Variants in MINDY4 observed in about 807,000 individuals in gnomAD.
MINDY4 encodes the protein MINDY lysine 48 deubiquitinase 4.
Under a neutral mutation model 87.0 loss-of-function variants are expected in MINDY4, and 68 were observed. The ratio of observed to expected loss-of-function variants is 0.78; its 90% CI spans 0.64 to 0.96. The LOEUF is 0.96. Among genes scored for constraint, MINDY4 ranks in the 40% least tolerant of loss-of-function variants. MINDY4 has a pLI of 0.00. For synonymous variants in MINDY4, 379 were observed against 363.2 expected (o/e 1.04, Z -0.50); for missense variants, 919 against 928.2 (o/e 0.99, Z 0.13).
intron 3 of MINDY4, 44 bp downstream of exon 3, chr7:30,782,256 C>A: frequency 6.8e-7 from 1 of 1,469,120 alleles, no homozygotes; most frequent in South Asian, 1.2e-5. Context: ...CTATTGCTGC[C>A]ATAACAAATT....
intron 9 of MINDY4, among the ~76,000 whole-genome samples, chr7:30,849,366 A>T (rs1245707284): frequency 6.6e-6 from 1 of 152,196 alleles, no homozygotes; most frequent in Non-Finnish European, 1.5e-5. Flanking sequence ...TAGCTTCCGT[A>T]TGAGTTTTTT....
At position 30,798,170 on chromosome 7, in the gene MINDY4, A is replaced by G. The variant is rs1002107403; in HGVS notation, c.1073+6596A>G. ...ACAGCATGTTGCCGTATTGAATGCTATAGGCCATTGTAACACAATGGGAAG... is the reference window on the plus strand; with the variant it reads ...ACAGCATGTTGCCGTATTGAATGCTGTAGGCCATTGTAACACAATGGGAAG... On this transcript the variant is annotated intron_variant, in intron 5 of 17. Transcript: ENST00000265299. Among the ~76,000 whole-genome samples the G allele has an allele frequency of 3.3e-5, 5 of 152,196 alleles. No individual in the cohort carries two copies. The East Asian group carries it at 7.7e-4, about 23-fold the overall frequency.
In MINDY4 at chr7:30,781,966, C is replaced by T. The variant is rs1389613103; in HGVS notation, c.184-11C>T. 6 of 1,587,710 alleles carry T rather than the reference C, an allele frequency of 3.8e-6. No homozygotes were observed. In the Admixed American group the frequency reaches 5.2e-5, roughly 14 times the overall value. On this transcript the variant is annotated splice_polypyrimidine_tract_variant and intron_variant, in intron 2 of 17. Coordinates refer to ENST00000265299, the MANE Select transcript of MINDY4 (RefSeq NM_032222.3). ...ATAAATTAATGATTTTTTTTTCTCT[C>T]CCAATGATAGGCAAAGGAAAATCCT...
intron 5 of MINDY4, among the ~76,000 whole-genome samples, chr7:30,806,808 C>G (rs1787822023): frequency 6.6e-6 from 1 of 152,240 alleles, no homozygotes; most frequent in Non-Finnish European, 1.5e-5. Context: ...TCTTCCTACC[C>G]TCTTCTCTTC....
intron 17 of MINDY4, among the ~76,000 whole-genome samples, chr7:30,885,721 C>G (rs1235211041): frequency 1.3e-5 from 2 of 150,654 alleles, no homozygotes; most frequent in Admixed American, 6.6e-5. Context: ...CCCCCCAACC[C>G]TGCTGCCTTG....
chr7:30,776,229 T>A (rs1191965563), intron 1 of MINDY4, among the ~76,000 whole-genome samples: 2 of 152,180 alleles, frequency 1.3e-5, no homozygotes, highest in African/African-American at 4.8e-5. Flanking sequence ...ACAAGACCTT[T>A]CCTTATGAGT....
At chr7:30,879,089 GA>G (rs1790377740) in intron 15 of MINDY4, among the ~76,000 whole-genome samples, 1 of 152,168 alleles carries the variant, frequency 6.6e-6, no homozygotes, top group Non-Finnish European at 1.5e-5. Context: ...AGTCCTCTGA[GA>G]CTGTTGTGAG....
intron 5 of MINDY4, among the ~76,000 whole-genome samples, chr7:30,795,458 G>A (rs1245755390): frequency 2.0e-5 from 3 of 152,226 alleles, no homozygotes; most frequent in Non-Finnish European, 2.9e-5. Flanking sequence ...GGATCCAGGG[G>A]TACCAAGATA....
At chr7:30,797,556 A>G (rs1787526038) in intron 5 of MINDY4, among the ~76,000 whole-genome samples, 2 of 152,132 alleles carry the variant, frequency 1.3e-5, no homozygotes, top group Admixed American at 6.5e-5. Flanking sequence ...TTGAGGCTGG[A>G]CTACATGAGG....
chr7:30,849,688 G>A (rs963145422), intron 9 of MINDY4, among the ~76,000 whole-genome samples: 14 of 152,192 alleles, frequency 9.2e-5, no homozygotes, highest in African/African-American at 3.4e-4. Context: ...CACGGTCTCT[G>A]TTTTTCCTCA....
At chr7:30,792,076 A>G (rs12701035) in intron 5 of MINDY4, among the ~76,000 whole-genome samples, 40,148 of 152,032 alleles carry the variant, frequency 0.26, 5,822 homozygotes, top group Non-Finnish European at 0.32. Context: ...GAAGCCAGAG[A>G]TACAGTGATG....
Position 30,782,128 on chromosome 7 carries a change from C to T in MINDY4, c.335C>T (p.Ser112Leu), listed in dbSNP as rs1787024018. The T allele has an allele frequency of 2.5e-6, 4 of 1,614,096 alleles. No individual in the cohort carries two copies. Among genetic ancestry groups the T allele is most frequent in the Non-Finnish European group, 2.5e-6 (3 of 1,180,018 alleles). ...KKNNKVPSRC[S>L]ETTLVNIYDL... ...AATAACAAAGTGCCATCAAGATGCT[C>T]AGAGACTACACTGGTAAATATATAT... is the stretch of plus-strand genomic sequence containing the variant. The change falls in exon 3 of 18, where the codon TCA becomes TTA. Residue 112 changes from serine to leucine, a missense_variant. Coordinates refer to ENST00000265299, the MANE Select transcript of MINDY4 (RefSeq NM_032222.3).
Position 30,828,628 on chromosome 7 carries a change from TA to T in MINDY4, c.1074-50del, listed in dbSNP as rs768611699. On this transcript the variant is annotated intron_variant, in intron 5 of 17. Coordinates refer to ENST00000265299, the MANE Select transcript of MINDY4 (RefSeq NM_032222.3). ...GCTCTTAACAGTCTTCTCTGCCGTT[TA>T]CATTTCTCTGTCAGTCTCCTCTGGT... The T allele has an allele frequency of 1.9e-6, 3 of 1,581,430 alleles. No homozygotes were observed. The Admixed American group carries it at 5.0e-5, about 26-fold the overall frequency.
intron 5 of MINDY4, among the ~76,000 whole-genome samples, chr7:30,821,785 G>A (rs1788338644): frequency 1.3e-5 from 2 of 152,064 alleles, no homozygotes; most frequent in Non-Finnish European, 1.5e-5. Context: ...GATATTCTGA[G>A]TAATGTCATC....
At chr7:30,864,730 A>G (rs1389046052) in intron 13 of MINDY4, among the ~76,000 whole-genome samples, 2 of 152,246 alleles carry the variant, frequency 1.3e-5, no homozygotes, top group African/African-American at 2.4e-5. Flanking sequence ...AGGCCACCAC[A>G]TCTGCTAGCA....
Position 30,776,613 on chromosome 7 carries a change from A to G in MINDY4, c.64-1819A>G, listed in dbSNP as rs1786825579. Among the ~76,000 whole-genome samples the G allele has an allele frequency of 2.0e-5, 3 of 152,198 alleles. No homozygotes were observed. In the South Asian group the frequency reaches 6.2e-4, roughly 31 times the overall value. On this transcript the variant is annotated intron_variant, in intron 1 of 17. Coordinates refer to ENST00000265299, the MANE Select transcript of MINDY4 (RefSeq NM_032222.3). ...CCTCTAGCAACTGGACTTACGGACT[A>G]GTGGTCTGTTCCCTTCGTTTCACAG...
intron 5 of MINDY4, among the ~76,000 whole-genome samples, chr7:30,807,910 T>A (rs1437476230): frequency 6.6e-6 from 1 of 152,138 alleles, no homozygotes; most frequent in Non-Finnish European, 1.5e-5. Context: ...GAGATGTGAG[T>A]CTTGCTGAAG....
At chr7:30,889,654 C>A (rs1490728085) in intron 17 of MINDY4, among the ~76,000 whole-genome samples, 3 of 152,202 alleles carry the variant, frequency 2.0e-5, no homozygotes, top group Admixed American at 2.0e-4. Flanking sequence ...TCCTCTGGAT[C>A]TGCTTGACAC....
intron 5 of MINDY4, among the ~76,000 whole-genome samples, chr7:30,815,146 C>A (rs1788109487): frequency 6.6e-6 from 1 of 152,224 alleles, no homozygotes; most frequent in Non-Finnish European, 1.5e-5. Context: ...CATCTCCACA[C>A]AGCTTTTCAG....
Sources: allele counts gnomAD v4.1 joint callset (sites outside exome capture counted in the v4.1 genomes callset), GRCh38; gene constraint gnomAD v4.1.1; transcripts MANE v1.5; gene names NCBI Gene and HGNC (gene_info 2026-07-23, HGNC 2026-07-21).